Variants in NCKAP5 observed in about 807,000 individuals in gnomAD.
The protein encoded by NCKAP5 is NCK associated protein 5, also known as nck-associated protein 5.
NCKAP5 carries 92 observed loss-of-function variants against 167.0 expected under a neutral mutation model. That is an observed-to-expected ratio of 0.55 (90% confidence interval 0.47 to 0.66). The LOEUF (loss-of-function observed/expected upper bound fraction) is 0.66, where lower values mean the gene tolerates loss of function less well. Among genes scored for constraint, NCKAP5 ranks in the 30% least tolerant of loss-of-function variants. NCKAP5 has a pLI of 0.00. For missense variants in NCKAP5, 2,378 were observed against 2,315.0 expected (o/e 1.03, Z -0.56); for synonymous variants, 891 against 877.4 (o/e 1.02, Z -0.27).
the NCKAP5 span, among the ~76,000 whole-genome samples, chr2:133,635,425 T>A: frequency 1.0e-3 from 157 of 152,328 alleles, 4 homozygotes; most frequent in East Asian, 0.022. Flanking sequence ...GACTCTTTCA[T>A]GAGATTCTAG....
At chr2:132,796,213 T>C (rs917604702) in intron 12 of NCKAP5, among the ~76,000 whole-genome samples, 1 of 152,212 alleles carries the variant, frequency 6.6e-6, no homozygotes, top group Non-Finnish European at 1.5e-5. Context: ...GTTAAAGTTT[T>C]GCCAGATAAG....
chr2:133,235,059 T>G (rs1351827901), intron 4 of NCKAP5, among the ~76,000 whole-genome samples: 1 of 151,402 alleles, frequency 6.6e-6, no homozygotes, highest in African/African-American at 2.4e-5. Context: ...CTCATGGAAC[T>G]GAAGCTACTT....
At chr2:133,087,867 C>T (rs969570040) in intron 6 of NCKAP5, among the ~76,000 whole-genome samples, 1 of 152,192 alleles carries the variant, frequency 6.6e-6, no homozygotes, top group African/African-American at 2.4e-5. Context: ...AGCAATTACT[C>T]TGTTGCAGGC....
chr2:133,606,444 T>C, the NCKAP5 span, among the ~76,000 whole-genome samples: 20 of 152,328 alleles, frequency 1.3e-4, no homozygotes, highest in East Asian at 3.9e-3. Flanking sequence ...GAAGCTCGTG[T>C]GGACTTCTCA....
In NCKAP5 at chr2:133,566,472, A is replaced by C. The variant is rs146441981; in HGVS notation, c.-130+1744T>G. 9.3e-3 allele frequency among the ~76,000 whole-genome samples: 1,420 copies of C among 152,334 alleles called. 20 individuals are homozygous for C. The highest frequency in any genetic ancestry group is 0.011 in the Non-Finnish European group (729 of 68,030). ...TTCTCTTTGGTTTGCTAGTGAAAAC[A>C]ATGAGGAACAGACACCTTAAGAAAT... On this transcript the variant is annotated intron_variant, in intron 1 of 19. Coordinates refer to ENST00000409261, the MANE Select transcript of NCKAP5 (RefSeq NM_207363.3).
intron 6 of NCKAP5, among the ~76,000 whole-genome samples, chr2:133,112,257 G>A (rs1218742418): frequency 6.6e-6 from 1 of 152,058 alleles, no homozygotes; most frequent in Non-Finnish European, 1.5e-5. Context: ...GGTGGATCAC[G>A]AGGTCAGGAG....
At chr2:133,641,533 A>G in the NCKAP5 span, among the ~76,000 whole-genome samples, 4 of 152,224 alleles carry the variant, frequency 2.6e-5, no homozygotes, top group East Asian at 5.8e-4. Context: ...TCAGGCACCA[A>G]CTATCCTGTC....
intron 4 of NCKAP5, among the ~76,000 whole-genome samples, chr2:133,294,912 A>G (rs1308950767): frequency 1.3e-5 from 2 of 152,194 alleles, no homozygotes; most frequent in African/African-American, 4.8e-5. Context: ...ACTAGGGACT[A>G]TACATGCTTT....
chr2:133,364,702 G>T (rs894743919), intron 3 of NCKAP5, among the ~76,000 whole-genome samples: 3 of 152,056 alleles, frequency 2.0e-5, no homozygotes, highest in African/African-American at 7.2e-5. Context: ...TCACAGAAAT[G>T]ATGCTGTGTG....
intron 5 of NCKAP5, among the ~76,000 whole-genome samples, chr2:133,132,619 C>A (rs1347395649): frequency 6.6e-6 from 1 of 151,482 alleles, no homozygotes; most frequent in East Asian, 1.9e-4. Flanking sequence ...TTCTATTAAT[C>A]CATCAAAACT....
intron 2 of NCKAP5, among the ~76,000 whole-genome samples, chr2:133,555,852 T>C (rs1246620300): frequency 2.6e-5 from 4 of 152,222 alleles, no homozygotes; most frequent in Admixed American, 6.5e-5. Flanking sequence ...CTATGTGTCA[T>C]GGTCCAAAAT....
At chr2:133,672,410 A>G in the NCKAP5 span, among the ~76,000 whole-genome samples, 1 of 152,228 alleles carries the variant, frequency 6.6e-6, no homozygotes. Context: ...TTAAGAATAA[A>G]TATTTAGAAG....
At chr2:132,774,711 A>C (rs1365279702) in intron 15 of NCKAP5, among the ~76,000 whole-genome samples, 1 of 152,236 alleles carries the variant, frequency 6.6e-6, no homozygotes, top group Non-Finnish European at 1.5e-5. Flanking sequence ...CAGGAGAAGT[A>C]ATAGCATCAT....
At chr2:132,953,717 G>A (rs74408266) in intron 8 of NCKAP5, among the ~76,000 whole-genome samples, 139 of 152,078 alleles carry the variant, frequency 9.1e-4, no homozygotes, top group African/African-American at 3.2e-3. Flanking sequence ...AAAAAAATAA[G>A]CAGTAACATT....
chr2:133,408,168 G>A (rs1434921212), intron 3 of NCKAP5, among the ~76,000 whole-genome samples: 1 of 152,130 alleles, frequency 6.6e-6, no homozygotes, highest in African/African-American at 2.4e-5. Context: ...TGATTTGGGG[G>A]CAAACCATCT....
intron 3 of NCKAP5, among the ~76,000 whole-genome samples, chr2:133,491,366 G>A (rs1417723961): frequency 6.6e-6 from 1 of 152,160 alleles, no homozygotes; most frequent in East Asian, 1.9e-4. Context: ...AGGTGGTCAG[G>A]GAAGGCTGTC....
chr2:133,132,675 A>ATTT (rs35497758), intron 5 of NCKAP5, among the ~76,000 whole-genome samples: 1 of 139,318 alleles, frequency 7.2e-6, no homozygotes, highest in Admixed American at 7.2e-5. Context: ...TTTGTACCCA[A>ATTT]TTTTTTTTTT....
rs192650103 is a variant in NCKAP5, at chr2:132,681,184, G to A, written c.5714-7879C>T. Among the ~76,000 whole-genome samples the A allele has an allele frequency of 8.5e-5, 13 of 152,108 alleles. No homozygotes were observed. The East Asian group carries it at 2.1e-3, about 25-fold the overall frequency. On this transcript the variant is annotated intron_variant, in intron 19 of 19. Transcript: ENST00000409261. ...AACAATTTATGCAGGAATGATAATT[G>A]AGCAGTTCCTGAGATGAGAACTTCT...
intron 4 of NCKAP5, among the ~76,000 whole-genome samples, chr2:133,256,866 T>C (rs954435573): frequency 7.9e-5 from 12 of 152,188 alleles, no homozygotes; most frequent in African/African-American, 2.7e-4. Flanking sequence ...CCTAGATTCA[T>C]ATAGTGACAG....
Sources: allele counts gnomAD v4.1 joint callset (sites outside exome capture counted in the v4.1 genomes callset), GRCh38; gene constraint gnomAD v4.1.1; transcripts MANE v1.5; gene names NCBI Gene and HGNC (gene_info 2026-07-23, HGNC 2026-07-21).